The following SFXN5 variants were observed in gnomAD, a reference collection of about 807,000 sequenced individuals.
SFXN5 encodes sideroflexin 5.
SFXN5 carries 43 observed loss-of-function variants against 50.2 expected under a neutral mutation model. The observed-to-expected ratio is 0.86, with a 90% CI of 0.67 to 1.11. The LOEUF is 1.11. SFXN5 is among the 50% of genes least tolerant of loss of function. The pLI, the probability that SFXN5 is intolerant of heterozygous loss-of-function variation, is 0.00. For missense variants in SFXN5, 463 were observed against 454.1 expected, an observed-to-expected ratio of 1.02 and a Z score of -0.18; for synonymous variants, 203 against 185.8, an observed-to-expected ratio of 1.09 and a Z score of -0.75.
chr2:73,011,750 G>A (rs1379656355), intron 6 of SFXN5, among the ~76,000 whole-genome samples: 2 of 152,112 alleles, frequency 1.3e-5, no homozygotes, highest in African/African-American at 2.4e-5. Flanking sequence ...TGGCAAAAAC[G>A]TTAAAAAGAT....
chr2:72,993,220 G>C (rs562875609), intron 9 of SFXN5, among the ~76,000 whole-genome samples: 2 of 152,256 alleles, frequency 1.3e-5, no homozygotes, highest in East Asian at 3.9e-4. Context: ...GCAAGGGTGG[G>C]GGAAGGTCAA....
At chr2:72,954,732 C>T (rs756378148) in intron 13 of SFXN5, among the ~76,000 whole-genome samples, 2 of 152,216 alleles carry the variant, frequency 1.3e-5, no homozygotes, top group Non-Finnish European at 2.9e-5. Flanking sequence ...AGGCCCTGCC[C>T]ACTTGCCGTG....
chr2:73,034,715 G>T (rs552904088), intron 3 of SFXN5, among the ~76,000 whole-genome samples: 2 of 152,248 alleles, frequency 1.3e-5, no homozygotes, highest in African/African-American at 4.8e-5. Flanking sequence ...AGTTGCTTCC[G>T]AGCTGATTTC....
chr2:73,041,111 T>C (rs1468271300), intron 2 of SFXN5, among the ~76,000 whole-genome samples, 180 bp from the exon 3 acceptor site: 1 of 152,164 alleles, frequency 6.6e-6, no homozygotes, highest in Non-Finnish European at 1.5e-5. Flanking sequence ...ACTCGGCAGT[T>C]TAAAAAATGA....
intron 10 of SFXN5, among the ~76,000 whole-genome samples, chr2:72,979,404 C>CG (rs1400107060): frequency 6.9e-6 from 1 of 144,684 alleles, no homozygotes; most frequent in African/African-American, 2.5e-5. Flanking sequence ...GAGGCCAAGG[C>CG]GGGTGGATCA....
intron 3 of SFXN5, among the ~76,000 whole-genome samples, chr2:73,031,440 G>T (rs957342572): frequency 6.6e-6 from 1 of 151,850 alleles, no homozygotes; most frequent in Non-Finnish European, 1.5e-5. Flanking sequence ...TGCCCACCTG[G>T]AACTTGAGCT....
intron 1 of SFXN5, among the ~76,000 whole-genome samples, chr2:73,060,561 A>G (rs1682680955): frequency 1.3e-5 from 2 of 152,150 alleles, no homozygotes. Context: ...CCTGGCGTAG[A>G]GGGGGGAATG....
intron 3 of SFXN5, among the ~76,000 whole-genome samples, chr2:73,024,961 T>C (rs899099791): frequency 2.0e-5 from 3 of 152,156 alleles, no homozygotes; most frequent in African/African-American, 7.2e-5. Context: ...TTAACTCTTA[T>C]TTTAGACACA....
rs1206284118 is a variant in SFXN5 at position 72,945,347 on chromosome 2, G to A, written c.946-248C>T. ...CTTTCTTCTGATGGTGTGTCCACGTGGGTGGACATCCTACACACTGGCCTC... is the reference window on the plus strand; with the variant it reads ...CTTTCTTCTGATGGTGTGTCCACGTAGGTGGACATCCTACACACTGGCCTC... On this transcript the variant is annotated intron_variant, in intron 13 of 13. Coordinates refer to ENST00000272433, the MANE Select transcript of SFXN5 (RefSeq NM_144579.3). This position sits in a 1 kb window ranked among gnomAD's most constrained non-coding sequence, Gnocchi z 5.8. Among the ~76,000 whole-genome samples, 1 of 152,040 alleles carries A rather than the reference G, an allele frequency of 6.6e-6. No individual in the cohort carries two copies. Among genetic ancestry groups the A allele is most frequent in the Non-Finnish European group, 1.5e-5 (1 of 68,004 alleles).
intron 3 of SFXN5, among the ~76,000 whole-genome samples, chr2:73,039,572 G>T (rs1679358030): frequency 6.6e-6 from 1 of 152,130 alleles, no homozygotes; most frequent in African/African-American, 2.4e-5. Context: ...TAGAGGGGTG[G>T]ATGATAAGAG....
chr2:73,070,840 G>A (rs773023298), intron 1 of SFXN5: 2 of 152,654 alleles, frequency 1.3e-5, no homozygotes, highest in Non-Finnish European at 2.9e-5. Flanking sequence ...GACCCTCCGC[G>A]GAGAACACAG....
At chr2:72,989,422 G>A (rs1343026214) in intron 9 of SFXN5, among the ~76,000 whole-genome samples, 2 of 152,136 alleles carry the variant, frequency 1.3e-5, no homozygotes, top group African/African-American at 4.8e-5. Flanking sequence ...ACACCCCAGG[G>A]CTGGTATAAG....
intron 1 of SFXN5, 92 bp from the exon 2 acceptor site, chr2:73,058,688 T>A: frequency 2.5e-6 from 3 of 1,179,998 alleles, no homozygotes; most frequent in Non-Finnish European, 3.8e-6. Context: ...ATGATTGGGG[T>A]CCCCCGGTCC....
At chr2:73,054,093 T>C (rs1212384715) in intron 2 of SFXN5, among the ~76,000 whole-genome samples, 1 of 152,136 alleles carries the variant, frequency 6.6e-6, no homozygotes, top group Non-Finnish European at 1.5e-5. Context: ...GGCCGCTATC[T>C]TGCTTGCCCA....
In SFXN5 at chr2:73,045,775, CTT is replaced by C. The variant is rs1680245199; in HGVS notation, c.172-4846_172-4845del. ...TGCAGGCAAAGTCCCAAGCCTTTCT[CTT>C]GTCTTCCCTCAGCCATCCCCAACTC... On this transcript the variant is annotated intron_variant, in intron 2 of 13. Transcript: ENST00000272433. Among the ~76,000 whole-genome samples, 3 of 152,280 alleles carry C rather than the reference CTT, an allele frequency of 2.0e-5. No individual in the cohort carries two copies. In the South Asian group the frequency reaches 6.2e-4, roughly 32 times the overall value.
intron 3 of SFXN5, among the ~76,000 whole-genome samples, chr2:73,035,572 T>C (rs1476840652): frequency 6.8e-6 from 1 of 147,604 alleles, no homozygotes; most frequent in Non-Finnish European, 1.5e-5. Flanking sequence ...TGATCTCGGC[T>C]CACTGCAACC....
chr2:72,995,322 G>A (rs1167887328), intron 9 of SFXN5, among the ~76,000 whole-genome samples: 1 of 152,224 alleles, frequency 6.6e-6, no homozygotes, highest in Non-Finnish European at 1.5e-5. Flanking sequence ...AACTTAAGAC[G>A]GGATTTCTTT....
intron 10 of SFXN5, among the ~76,000 whole-genome samples, chr2:72,974,391 T>G (rs898585938): frequency 2.0e-5 from 3 of 151,734 alleles, no homozygotes; most frequent in Non-Finnish European, 2.9e-5. Flanking sequence ...ACCACTGAGA[T>G]GAAAGATGAA....
chr2:72,947,730 C>T (rs1299882205), intron 13 of SFXN5, among the ~76,000 whole-genome samples: 3 of 152,130 alleles, frequency 2.0e-5, no homozygotes, highest in Non-Finnish European at 4.4e-5. Context: ...TTACCCAAGT[C>T]TGGTCACCCG....
Sources: gnomAD v4.1 joint callset for allele counts (sites outside exome capture counted in the v4.1 genomes callset) on GRCh38, gnomAD v4.1.1 for gene constraint, Gnocchi (gnomAD v3.1) non-coding constraint, MANE v1.5 for transcripts, NCBI Gene and HGNC (gene_info 2026-07-23, HGNC 2026-07-21) for gene names.